The following ANKS3 variants were observed in gnomAD, a reference collection of about 807,000 sequenced individuals.
ANKS3 encodes the protein ankyrin repeat and sterile alpha motif domain containing 3, also known as ankyrin repeat and SAM domain-containing protein 3.
Under a neutral mutation model 80.7 loss-of-function variants are expected in ANKS3, and 62 were observed. That is an observed-to-expected ratio of 0.77 (90% CI 0.63 to 0.95). The LOEUF is 0.95. Among genes scored for constraint, ANKS3 ranks in the 40% least tolerant of loss-of-function variants. The pLI is 0.00. For synonymous variants in ANKS3, 489 were observed against 355.3 expected, an observed-to-expected ratio of 1.38 and a Z score of -4.23; for missense variants, 1,150 against 883.6, an observed-to-expected ratio of 1.30 and a Z score of -3.82.
intron 7 of ANKS3, among the ~76,000 whole-genome samples, chr16:4,712,227 T>C (rs1034450695): frequency 6.6e-6 from 1 of 151,570 alleles, no homozygotes; most frequent in African/African-American, 2.4e-5. Flanking sequence ...AAAAATTAGC[T>C]GGGTGTAGTG....
Position 4,703,240 on chromosome 16 carries a change from G to T in ANKS3, c.869-998C>A, listed in dbSNP as rs144282883. 2.1e-3 allele frequency among the ~76,000 whole-genome samples: 313 copies of T among 152,234 alleles called. 3 individuals carry two copies. Among genetic ancestry groups the T allele is most frequent in the African/African-American group, 7.2e-3 (301 of 41,544 alleles). ...CAATCCTTCCACCTCAGCCTCTCAT[G>T]TAACTGGGGCTACAGGCATGGGCCA... On this transcript the variant is annotated intron_variant, in intron 8 of 17. Coordinates refer to ENST00000304283, the MANE Select transcript of ANKS3 (RefSeq NM_133450.4).
intron 15 of ANKS3, 141 bp from the exon 16 acceptor site, chr16:4,697,557 A>G: frequency 1.5e-6 from 1 of 677,952 alleles, no homozygotes; most frequent in Non-Finnish European, 2.4e-6. Context: ...GCAACCTCCC[A>G]AGGCCGAGGC....
chr16:4,705,300 C>A, intron 7 of ANKS3, 47 bp from the exon 8 acceptor site: 1 of 1,587,384 alleles, frequency 6.3e-7, no homozygotes, highest in South Asian at 1.1e-5. Flanking sequence ...GTAATGGACT[C>A]ATTTACTAAT....
chr16:4,726,571 A>G, intron 5 of ANKS3, 88 bp downstream of exon 5: 1 of 1,473,278 alleles, frequency 6.8e-7, no homozygotes, highest in Non-Finnish European at 9.3e-7. Flanking sequence ...GTGGCCCTAA[A>G]CTCTGGTTAG....
At chr16:4,697,599 G>T (rs2079638742) in intron 15 of ANKS3, among the ~76,000 whole-genome samples, 183 bp from the exon 16 acceptor site, 1 of 151,732 alleles carries the variant, frequency 6.6e-6, no homozygotes, top group Admixed American at 6.6e-5. Flanking sequence ...TCCTCCCACA[G>T]GCTGAGCAAA....
chr16:4,700,643 C>G (rs1283473334), intron 11 of ANKS3: 4 of 431,832 alleles, frequency 9.3e-6, no homozygotes, highest in African/African-American at 8.1e-5. Flanking sequence ...GTTCCTGTCT[C>G]TGCTTCAACC....
At chr16:4,717,363 A>G (rs868448896) in intron 6 of ANKS3, 2 of 152,252 alleles carry the variant, frequency 1.3e-5, no homozygotes, top group African/African-American at 4.8e-5. Context: ...AGCCTGGCCA[A>G]CAACCAGCCT....
At position 4,724,905 on chromosome 16, in the gene ANKS3, A is replaced by G. The variant is rs958440713; in HGVS notation, c.492-74T>C. The stretch of plus-strand genomic sequence containing the variant: ...CAGGCAAAAACTCCCTGCTGAAGAT[A>G]AACCCTGAGCAGTGCACGAGTCACC... On this transcript the variant is annotated intron_variant, in intron 5 of 17. Coordinates refer to ENST00000304283, the MANE Select transcript of ANKS3 (RefSeq NM_133450.4). 12 of 1,394,376 alleles carry G rather than the reference A, an allele frequency of 8.6e-6. No individual in the cohort carries two copies. The African/African-American group carries it at 1.4e-4, about 16-fold the overall frequency. 86.4% of individuals were successfully genotyped at this position (1,394,376 alleles called of 1,614,324 possible).
At chr16:4,702,374 C>G (rs2079964043) in intron 8 of ANKS3, 132 bp from the exon 9 acceptor site, 1 of 968,160 alleles carries the variant, frequency 1.0e-6, no homozygotes, top group Non-Finnish European at 1.4e-6. Flanking sequence ...CCTGGCATGG[C>G]TCTATCTGTG....
At position 4,704,980 on chromosome 16, in the gene ANKS3, G is replaced by C; in HGVS notation, c.868+115C>G. ...TGAAAGCTGGGCCACCTGTCCCGCT[G>C]CCACCTGAGGTCCAGCGACCCACAT... On this transcript the variant is annotated intron_variant, in intron 8 of 17. Coordinates refer to ENST00000304283, the MANE Select transcript of ANKS3 (RefSeq NM_133450.4). 17 of 1,402,444 alleles carry C rather than the reference G, an allele frequency of 1.2e-5. No homozygotes were observed. In the South Asian group the frequency reaches 2.3e-4, roughly 19 times the overall value. The allele number at this position is 1,402,444 out of a possible 1,614,324, so 86.9% of individuals were successfully genotyped here. A position where few individuals can be genotyped will look rare whatever the true frequency, so the allele number is the denominator to read the frequency against.
chr16:4,710,602 G>T (rs149901440), intron 7 of ANKS3, among the ~76,000 whole-genome samples: 1 of 152,042 alleles, frequency 6.6e-6, no homozygotes, highest in Non-Finnish European at 1.5e-5. Flanking sequence ...CTAGCTACTC[G>T]TAGAGCTGAG....
chr16:4,718,207 A>G (rs765698159), intron 6 of ANKS3, among the ~76,000 whole-genome samples: 33 of 151,862 alleles, frequency 2.2e-4, no homozygotes, highest in Admixed American at 9.9e-4. Flanking sequence ...GGCATGAGCC[A>G]CTATGCCTGA....
chr16:4,721,409 G>C lies in ANKS3; in HGVS notation c.573+3341C>G, dbSNP rs1045625242. Among the ~76,000 whole-genome samples the C allele has an allele frequency of 6.6e-5, 10 of 150,790 alleles. 1 individual carries two copies. In the Admixed American group the frequency reaches 6.6e-4, roughly 10 times the overall value. On this transcript the variant is annotated intron_variant, in intron 6 of 17. Transcript: ENST00000304283. ...GAACTGCCTGAGCTCAGGAGTTCAA[G>C]ACCAGCCTGGGCAACGTGGCAAAAC...
intron 6 of ANKS3, among the ~76,000 whole-genome samples, chr16:4,718,902 G>A (rs1353049688): frequency 1.3e-5 from 2 of 152,150 alleles, no homozygotes; most frequent in East Asian, 1.9e-4. Flanking sequence ...TTACTCTCAG[G>A]AAATACATAT....
Position 4,727,204 on chromosome 16 carries a change from A to G in ANKS3, c.171-27T>C, listed in dbSNP as rs769588283. ...TAAACAAACGCAAGATATGCTAGACATGGCCAGCCGCCTCGCATGTGGGGT... is the reference window on the plus strand; with the variant it reads ...TAAACAAACGCAAGATATGCTAGACGTGGCCAGCCGCCTCGCATGTGGGGT... On this transcript the variant is annotated intron_variant, in intron 3 of 17. Transcript: ENST00000304283. 16 of 1,610,032 alleles carry G rather than the reference A, an allele frequency of 9.9e-6. No homozygotes were observed. In the East Asian group the frequency reaches 3.3e-4, roughly 34 times the overall value.
chr16:4,715,951 T>C (rs1031315650), intron 6 of ANKS3, among the ~76,000 whole-genome samples: 6 of 152,112 alleles, frequency 3.9e-5, no homozygotes, highest in Non-Finnish European at 8.8e-5. Context: ...AAATAAGAGA[T>C]TAATGAGCTA....
At chr16:4,724,691 G>A (rs746599444) in intron 6 of ANKS3, 59 bp downstream of exon 6, 9 of 1,478,926 alleles carry the variant, frequency 6.1e-6, no homozygotes, top group Non-Finnish European at 7.5e-6. Context: ...TTATACTTCA[G>A]TAATATGATT....
chr16:4,698,682 G>T (rs1000238796), intron 13 of ANKS3, 83 bp from the exon 14 acceptor site: 2 of 1,526,274 alleles, frequency 1.3e-6, no homozygotes, highest in Admixed American at 1.9e-5. Flanking sequence ...CCTGTGTGTG[G>T]GGCCCTCTCC....
rs2081128184 is a variant in ANKS3 at position 4,722,040 on chromosome 16, G to A, written c.573+2710C>T. On this transcript the variant is annotated intron_variant, in intron 6 of 17. Transcript: ENST00000304283. ...GGGGCAGGACCATGAGCATGTGTGG[G>A]TGTATTCCCAGAGTCGCCCGTGGGG... Among the ~76,000 whole-genome samples, 4 of 151,426 alleles carry A rather than the reference G, an allele frequency of 2.6e-5. No homozygotes were observed. The South Asian group carries it at 8.4e-4, about 32-fold the overall frequency.
Sources: gnomAD v4.1 joint callset for allele counts (sites outside exome capture counted in the v4.1 genomes callset) on GRCh38, gnomAD v4.1.1 for gene constraint, MANE v1.5 for transcripts, NCBI Gene and HGNC (gene_info 2026-07-23, HGNC 2026-07-21) for gene names.